The following SUGCT variants were observed in gnomAD, a reference collection of about 807,000 sequenced individuals.
SUGCT encodes the protein succinyl-CoA:glutarate CoA-transferase.
SUGCT carries 41 observed loss-of-function variants against 55.0 expected under a neutral mutation model. The observed-to-expected ratio is 0.74, with a 90% CI of 0.58 to 0.97. SUGCT has a LOEUF of 0.97. Among genes scored for constraint, SUGCT ranks in the 50% least tolerant of loss-of-function variants. The pLI, the probability that SUGCT is intolerant of heterozygous loss-of-function variation, is 0.00. For missense variants in SUGCT, 568 were observed against 547.8 expected (o/e 1.04, Z -0.37); for synonymous variants, 187 against 200.4 (o/e 0.93, Z 0.56).
the SUGCT span, chr7:40,965,781 A>G: frequency 6.6e-6 from 1 of 152,242 alleles, no homozygotes; most frequent in African/African-American, 2.4e-5. Flanking sequence ...TGCATCTACT[A>G]TCAGAGAATG....
At chr7:40,481,760 A>G (rs1420733486) in intron 11 of SUGCT, among the ~76,000 whole-genome samples, 3 of 152,156 alleles carry the variant, frequency 2.0e-5, no homozygotes, top group Non-Finnish European at 4.4e-5. Flanking sequence ...AAATTATAAT[A>G]CTGAGTTTTG....
chr7:40,968,810 G>A, the SUGCT span, among the ~76,000 whole-genome samples: 2 of 152,114 alleles, frequency 1.3e-5, no homozygotes, highest in Admixed American at 6.5e-5. Flanking sequence ...GAGGGCTGTG[G>A]CTGAGCTGCT....
chr7:40,922,187 C>T, the SUGCT span, among the ~76,000 whole-genome samples: 8 of 152,148 alleles, frequency 5.3e-5, no homozygotes, highest in Non-Finnish European at 1.0e-4. Context: ...TAGCATTCTT[C>T]CAAATCGGAC....
chr7:40,739,520 T>G (rs1285126761), intron 12 of SUGCT, among the ~76,000 whole-genome samples: 1 of 152,210 alleles, frequency 6.6e-6, no homozygotes, highest in Non-Finnish European at 1.5e-5. Flanking sequence ...TCCTGTTTAT[T>G]TTCCTAAATT....
chr7:41,013,907 A>G, the SUGCT span, among the ~76,000 whole-genome samples: 1 of 152,158 alleles, frequency 6.6e-6, no homozygotes, highest in Non-Finnish European at 1.5e-5. Flanking sequence ...TCAATTTTCA[A>G]TTTGGGGAAC....
At chr7:40,209,660 G>A (rs1787215938) in intron 6 of SUGCT, among the ~76,000 whole-genome samples, 1 of 152,116 alleles carries the variant, frequency 6.6e-6, no homozygotes, top group Non-Finnish European at 1.5e-5. Context: ...TCCAGGTGTG[G>A]TGGCGCATGC....
In SUGCT at chr7:40,637,549, G is replaced by A. The variant is rs144298105; in HGVS notation, c.1090-111885G>A. 1.4e-3 allele frequency among the ~76,000 whole-genome samples: 215 copies of A among 152,316 alleles called. 2 individuals carry two copies. In the East Asian group the frequency reaches 0.039, roughly 27 times the overall value. On this transcript the variant is annotated intron_variant, in intron 12 of 13. Coordinates refer to ENST00000335693, the MANE Select transcript of SUGCT (RefSeq NM_001193313.2). ...ATTTGTTGTTAATTCTTTAACATCA[G>A]ATCCTAGTCAGCAAACTACTAGAAC...
At chr7:40,932,376 G>A in the SUGCT span, among the ~76,000 whole-genome samples, 54 of 152,268 alleles carry the variant, frequency 3.5e-4, no homozygotes, top group Admixed American at 9.2e-4. Flanking sequence ...AGTGCAGTGC[G>A]GTGCTGAGAC....
intron 6 of SUGCT, among the ~76,000 whole-genome samples, chr7:40,233,304 C>G (rs1391136853): frequency 6.6e-6 from 1 of 152,092 alleles, no homozygotes; most frequent in African/African-American, 2.4e-5. Context: ...ACTGCAAGCT[C>G]TGCCTCCCGG....
At chr7:40,790,264 G>T (rs1033729844) in intron 13 of SUGCT, among the ~76,000 whole-genome samples, 3 of 152,064 alleles carry the variant, frequency 2.0e-5, no homozygotes, top group Admixed American at 1.3e-4. Context: ...GTTTTATAAG[G>T]GGCTTTCCCC....
At chr7:40,471,013 A>T (rs1790376728) in intron 11 of SUGCT, among the ~76,000 whole-genome samples, 1 of 152,192 alleles carries the variant, frequency 6.6e-6, no homozygotes. Context: ...AAAAAGGAAC[A>T]TCAAAATGCT....
intron 3 of SUGCT, among the ~76,000 whole-genome samples, chr7:40,187,821 T>C (rs1785618887): frequency 6.6e-6 from 1 of 151,940 alleles, no homozygotes; most frequent in Non-Finnish European, 1.5e-5. Flanking sequence ...TAATCTCAGT[T>C]ACTATGGAGG....
At chr7:40,323,456 G>A (rs112710858) in intron 9 of SUGCT, among the ~76,000 whole-genome samples, 3 of 152,118 alleles carry the variant, frequency 2.0e-5, no homozygotes, top group African/African-American at 7.2e-5. Flanking sequence ...CTGGAGTAGT[G>A]GTGTGATCAT....
chr7:40,275,355 C>T (rs1244260505), intron 8 of SUGCT, among the ~76,000 whole-genome samples: 1 of 152,018 alleles, frequency 6.6e-6, no homozygotes, highest in Non-Finnish European at 1.5e-5. Context: ...TTTTTGAACA[C>T]ATAAAATAAG....
chr7:40,466,276 G>A (rs1242884005), intron 11 of SUGCT, among the ~76,000 whole-genome samples: 2 of 152,086 alleles, frequency 1.3e-5, no homozygotes, highest in Non-Finnish European at 2.9e-5. Context: ...TGTCAGCCTT[G>A]CCTGGGTCAC....
chr7:40,389,469 A>ACAAACAAACAAACAAG (rs10660450), intron 9 of SUGCT, among the ~76,000 whole-genome samples: 20,348 of 148,336 alleles, frequency 0.14, 1,535 homozygotes, highest in South Asian at 0.19. Flanking sequence ...AAACAAACAA[A>ACAAACAAACAAACAAG]CAAGCAAAAA....
At chr7:40,573,727 A>G (rs1394729379) in intron 12 of SUGCT, among the ~76,000 whole-genome samples, 1 of 152,162 alleles carries the variant, frequency 6.6e-6, no homozygotes, top group African/African-American at 2.4e-5. Flanking sequence ...CTGCTAAGCC[A>G]ACTCTGAGTT....
At chr7:40,314,082 A>G (rs1795298961) in intron 8 of SUGCT, among the ~76,000 whole-genome samples, 1 of 152,194 alleles carries the variant, frequency 6.6e-6, no homozygotes, top group Admixed American at 6.5e-5. Context: ...CTCATTCTAA[A>G]TGGGGCAGGT....
At chr7:40,553,514 TG>T (rs1356473401) in intron 12 of SUGCT, among the ~76,000 whole-genome samples, 1 of 152,214 alleles carries the variant, frequency 6.6e-6, no homozygotes, top group Non-Finnish European at 1.5e-5. Flanking sequence ...AATTTCTCCA[TG>T]GATTTACAGA....
Sources: allele counts gnomAD v4.1 joint callset (sites outside exome capture counted in the v4.1 genomes callset), GRCh38; gene constraint gnomAD v4.1.1; transcripts MANE v1.5; gene names NCBI Gene and HGNC (gene_info 2026-07-23, HGNC 2026-07-21).